ROR2: variants seen among roughly 807,000 people sequenced by gnomAD.
ROR2 encodes the protein ROR family WNT receptor 2.
Under a neutral mutation model 74.9 loss-of-function variants are expected in ROR2, and 33 were observed. The observed-to-expected ratio is 0.44, with a 90% CI of 0.33 to 0.59. The LOEUF is 0.59. ROR2 is among the 20% of genes least tolerant of loss of function. ROR2 has a pLI of 0.02. For missense variants in ROR2, 1,216 were observed against 1,313.8 expected, an observed-to-expected ratio of 0.93 and a Z score of 1.15; for synonymous variants, 586 against 558.7, an observed-to-expected ratio of 1.05 and a Z score of -0.69.
At chr9:91,941,967 T>A (rs1831884411) in intron 1 of ROR2, among the ~76,000 whole-genome samples, 1 of 152,096 alleles carries the variant, frequency 6.6e-6, no homozygotes, top group Admixed American at 6.5e-5. Flanking sequence ...ACTTTTGTAT[T>A]TTTAGTGAGG....
chr9:91,887,204 T>C (rs1830306934), intron 1 of ROR2: 1 of 152,234 alleles, frequency 6.6e-6, no homozygotes, highest in South Asian at 2.1e-4. Context: ...ATCGGTTTTA[T>C]AGGTTTGGAA....
At chr9:91,843,084 A>C (rs564661219) in intron 1 of ROR2, among the ~76,000 whole-genome samples, 8 of 152,392 alleles carry the variant, frequency 5.2e-5, no homozygotes, top group South Asian at 2.1e-4. Flanking sequence ...GAGAAAAAAA[A>C]CCCACAGAGA....
At chr9:91,759,883 G>C (rs919204976) in intron 2 of ROR2, among the ~76,000 whole-genome samples, 1 of 152,190 alleles carries the variant, frequency 6.6e-6, no homozygotes, top group Non-Finnish European at 1.5e-5. Context: ...AGTGGGACCA[G>C]TACTCAGATG....
At chr9:91,854,244 G>A (rs369160070) in intron 1 of ROR2, among the ~76,000 whole-genome samples, 20 of 152,176 alleles carry the variant, frequency 1.3e-4, no homozygotes, top group African/African-American at 3.9e-4. Context: ...CCCAGCACCC[G>A]ACTGTACCTT....
intron 1 of ROR2, among the ~76,000 whole-genome samples, chr9:91,789,635 G>A (rs896543231): frequency 5.3e-5 from 8 of 151,980 alleles, no homozygotes; most frequent in African/African-American, 1.9e-4. Flanking sequence ...ATCCAAACTA[G>A]ATTTTAAAAA....
At chr9:91,943,194 T>C (rs567050321) in intron 1 of ROR2, among the ~76,000 whole-genome samples, 6 of 152,232 alleles carry the variant, frequency 3.9e-5, no homozygotes, top group Admixed American at 2.0e-4. Flanking sequence ...TTCAGGCTTA[T>C]TGTGTATTTT....
rs116271849 is a variant in ROR2, at chr9:91,846,575, G to A, written c.98-70757C>T. On this transcript the variant is annotated intron_variant, in intron 1 of 8. Coordinates refer to ENST00000375708, the MANE Select transcript of ROR2 (RefSeq NM_004560.4). ...CTGGAGCCTACAGAGCAGACTTTCT[G>A]CAGAGAATTGAAGGTTCTCAAGGAA... Among the ~76,000 whole-genome samples the A allele has an allele frequency of 5.9e-3, 893 of 152,292 alleles. 13 individuals carry two copies. The highest frequency in any genetic ancestry group is 0.02 in the African/African-American group (820 of 41,570).
At chr9:91,812,100 G>T (rs2119106314) in intron 1 of ROR2, among the ~76,000 whole-genome samples, 1 of 151,698 alleles carries the variant, frequency 6.6e-6, no homozygotes, top group Non-Finnish European at 1.5e-5. Flanking sequence ...TTAAGAAAGT[G>T]TAAGAATTTG....
At chr9:91,858,170 T>C (rs1279181571) in intron 1 of ROR2, among the ~76,000 whole-genome samples, 1 of 152,240 alleles carries the variant, frequency 6.6e-6, no homozygotes. Context: ...CCCGAGTTCC[T>C]ACAGCTTCCA....
chr9:91,940,150 C>T (rs565864641), intron 1 of ROR2, among the ~76,000 whole-genome samples: 1 of 152,208 alleles, frequency 6.6e-6, no homozygotes, highest in Non-Finnish European at 1.5e-5. Context: ...CCCCGCTGTG[C>T]GCAAATCAAG....
chr9:91,872,779 G>A (rs1829838755), intron 1 of ROR2, among the ~76,000 whole-genome samples: 1 of 152,154 alleles, frequency 6.6e-6, no homozygotes, highest in African/African-American at 2.4e-5. Flanking sequence ...GCTCATGGCC[G>A]AAGTACCAAC....
At chr9:91,904,340 G>A (rs879803505) in intron 1 of ROR2, among the ~76,000 whole-genome samples, 2 of 152,196 alleles carry the variant, frequency 1.3e-5, no homozygotes, top group Non-Finnish European at 2.9e-5. Flanking sequence ...CTGACCTGAG[G>A]ATGCCACAAG....
intron 1 of ROR2, among the ~76,000 whole-genome samples, chr9:91,840,562 T>C (rs1828752901): frequency 6.6e-6 from 1 of 152,192 alleles, no homozygotes; most frequent in African/African-American, 2.4e-5. Flanking sequence ...CGAGGCTGGA[T>C]CCCCAGCTGG....
intron 5 of ROR2, among the ~76,000 whole-genome samples, chr9:91,736,396 C>T (rs1161222474): frequency 6.6e-6 from 1 of 152,142 alleles, no homozygotes; most frequent in East Asian, 1.9e-4. Context: ...TCATTGTCAC[C>T]CCTTAACAGG....
chr9:91,912,194 C>A (rs181193280), intron 1 of ROR2, among the ~76,000 whole-genome samples: 3 of 152,254 alleles, frequency 2.0e-5, no homozygotes, highest in Admixed American at 2.0e-4. Context: ...CACTAGTATA[C>A]CAATATTAAC....
intron 1 of ROR2, among the ~76,000 whole-genome samples, chr9:91,876,463 C>T (rs1188909827): frequency 6.6e-6 from 1 of 152,130 alleles, no homozygotes; most frequent in Non-Finnish European, 1.5e-5. Context: ...GTCCCCGACA[C>T]CAAATGTGAA....
intron 7 of ROR2, among the ~76,000 whole-genome samples, chr9:91,727,484 A>G (rs1436801042): frequency 6.6e-6 from 1 of 151,894 alleles, no homozygotes. Context: ...GGGGCACACC[A>G]GGCAGGCTGA....
chr9:91,724,011 G>A lies in ROR2; in HGVS notation c.2483C>T (p.Pro828Leu), dbSNP rs1436526632. 1.9e-6 allele frequency: 3 copies of A among 1,612,400 alleles called. No individual in the cohort carries two copies. Among genetic ancestry groups the A allele is most frequent in the Middle Eastern group, 1.6e-4 (1 of 6,062 alleles). Residue 828 changes from proline to leucine, a missense_variant, in exon 9 of 9, where the codon CCG becomes CTG. Coordinates refer to ENST00000375708, the MANE Select transcript of ROR2 (RefSeq NM_004560.4). The part of the protein sequence containing the change: ...YVPVNGYQPV[P>L]AYGAYLPNFY... ...GTTGGGCAGGTAGGCCCCATAGGCC[G>A]GCACCGGCTGGTAGCCGTTGACGGG... is the stretch of plus-strand genomic sequence containing the variant.
chr9:91,817,667 C>T (rs1222053132), intron 1 of ROR2, among the ~76,000 whole-genome samples: 1 of 152,218 alleles, frequency 6.6e-6, no homozygotes, highest in Admixed American at 6.5e-5. Flanking sequence ...AGGCACCCGT[C>T]GGGGCCTCCT....
Sources: gnomAD v4.1 joint callset for allele counts (sites outside exome capture counted in the v4.1 genomes callset) on GRCh38, gnomAD v4.1.1 for gene constraint, MANE v1.5 for transcripts, NCBI Gene and HGNC (gene_info 2026-07-23, HGNC 2026-07-21) for gene names.